Variants in SNX13 observed in about 807,000 individuals in gnomAD.
SNX13 encodes the protein sorting nexin-13.
SNX13 carries 45 observed loss-of-function variants against 133.6 expected under a neutral mutation model. The observed-to-expected ratio is 0.34, with a 90% confidence interval of 0.27 to 0.43. The LOEUF is 0.43. SNX13 is among the 20% of genes least tolerant of loss of function. The pLI is 1.00. For missense variants in SNX13, 1,032 were observed against 1,145.1 expected (o/e 0.90, Z 1.43); for synonymous variants, 414 against 373.9 (o/e 1.11, Z -1.24).
intron 24 of SNX13, among the ~76,000 whole-genome samples, chr7:17,797,792 G>A (rs1221502397): frequency 6.6e-6 from 1 of 151,740 alleles, no homozygotes; most frequent in Non-Finnish European, 1.5e-5. Flanking sequence ...AACATGCCAG[G>A]GCAGCTAGTC....
At chr7:17,937,659 G>C (rs555759547) in intron 1 of SNX13, among the ~76,000 whole-genome samples, 17 of 151,920 alleles carry the variant, frequency 1.1e-4, no homozygotes, top group Admixed American at 1.0e-3. Context: ...ATAGTATGCT[G>C]ATTTTATCAG....
In SNX13 at chr7:17,893,346, G is replaced by C; in HGVS notation, c.214C>G (p.Pro72Ala). The change falls in exon 3 of 26, where the codon CCT (proline) becomes GCT (alanine). Residue 72 changes from proline (P) to alanine (A), a missense_variant. By Grantham distance (27) the Pro-to-Ala change is conservative. Transcript: ENST00000428135. ...CEHSFLPPTSPGVPKCLEEMK... is the reference protein window; with the variant it reads ...CEHSFLPPTSAGVPKCLEEMK... ...AAACGATTTACCTTAGGAACCCCAG[G>C]TGATGTTGGAGGAAGAAATGAGTGT... The C allele has an allele frequency of 3.8e-6, 6 of 1,572,834 alleles. No homozygotes were observed. Among genetic ancestry groups the C allele is most frequent in the Non-Finnish European group, 3.5e-6 (4 of 1,157,042 alleles).
At chr7:17,796,732 T>C (rs1784095523) in intron 25 of SNX13, 95 bp downstream of exon 25, 1 of 846,852 alleles carries the variant, frequency 1.2e-6, no homozygotes, top group Non-Finnish European at 2.0e-6. Flanking sequence ...AAGGTAGTTG[T>C]TATAATCAAA....
chr7:17,820,894 A>G (rs1448604869), intron 18 of SNX13, among the ~76,000 whole-genome samples: 1 of 152,130 alleles, frequency 6.6e-6, no homozygotes, highest in Non-Finnish European at 1.5e-5. Flanking sequence ...AGTTGAGAAA[A>G]TATTTAATTT....
chr7:17,880,308 C>A (rs369084691), intron 5 of SNX13: 1 of 152,216 alleles, frequency 6.6e-6, no homozygotes, highest in Non-Finnish European at 1.5e-5. Context: ...ACTCTTCAAC[C>A]AGCTGCGAGT....
intron 1 of SNX13, among the ~76,000 whole-genome samples, chr7:17,914,345 G>T (rs1799317999): frequency 6.6e-6 from 1 of 152,124 alleles, no homozygotes; most frequent in African/African-American, 2.4e-5. Context: ...TCACCAATCT[G>T]TCTATAGAGA....
chr7:17,794,424 C>G, intron 25 of SNX13, 132 bp from the exon 26 acceptor site: 1 of 1,111,614 alleles, frequency 9.0e-7, no homozygotes, highest in East Asian at 2.6e-5. Context: ...TGCATTTCAG[C>G]TATGTACTAT....
intron 8 of SNX13, among the ~76,000 whole-genome samples, chr7:17,871,075 A>T (rs10252726): frequency 6.7e-6 from 1 of 150,132 alleles, no homozygotes; most frequent in Non-Finnish European, 1.5e-5. Flanking sequence ...GCGCGATCTC[A>T]GCTCACTGCA....
chr7:17,852,256 C>T (rs1370664657), intron 9 of SNX13, among the ~76,000 whole-genome samples: 1 of 152,142 alleles, frequency 6.6e-6, no homozygotes. Flanking sequence ...TGCCTGTAAT[C>T]CCAGCTACTA....
intron 1 of SNX13, among the ~76,000 whole-genome samples, chr7:17,902,747 C>G (rs1426084021): frequency 6.6e-6 from 1 of 151,994 alleles, no homozygotes; most frequent in Non-Finnish European, 1.5e-5. Context: ...TACAGGAGTC[C>G]CCAACCCCCA....
At chr7:17,892,215 T>C (rs996881346) in intron 3 of SNX13, among the ~76,000 whole-genome samples, 2 of 152,100 alleles carry the variant, frequency 1.3e-5, no homozygotes, top group African/African-American at 2.4e-5. Flanking sequence ...ATATCTATAT[T>C]AAAAATACAT....
chr7:17,853,387 T>C (rs914893086), intron 9 of SNX13, among the ~76,000 whole-genome samples: 3 of 152,166 alleles, frequency 2.0e-5, no homozygotes, highest in Non-Finnish European at 2.9e-5. Context: ...TCGGATGTTA[T>C]CTATTTTAAA....
Position 17,792,054 on chromosome 7 carries a change from C to T in SNX13, c.*1991G>A, listed in dbSNP as rs2128279787. On this transcript the variant is annotated 3_prime_UTR_variant, in exon 26 of 26. Coordinates refer to ENST00000428135, the MANE Select transcript of SNX13 (RefSeq NM_015132.5). The stretch of plus-strand genomic sequence containing the variant: ...ATTTCCCTAATTGATGGCCAGTGCT[C>T]CTCACATTATATAGAAATGCTTTTT... The T allele has an allele frequency of 6.6e-6, 1 of 152,124 alleles. No homozygotes were observed. Among genetic ancestry groups the T allele is most frequent in the Non-Finnish European group, 1.5e-5 (1 of 67,948 alleles). The allele number at this position is 152,124 out of a possible 1,614,324, so 9.4% of individuals were successfully genotyped here.
chr7:17,916,136 C>T (rs188763450), intron 1 of SNX13, among the ~76,000 whole-genome samples: 267 of 152,144 alleles, frequency 1.8e-3, no homozygotes, highest in African/African-American at 6.1e-3. Flanking sequence ...CTCTGGGTTG[C>T]GACAAACACA....
chr7:17,843,886 G>T (rs972957768), intron 12 of SNX13, among the ~76,000 whole-genome samples: 13 of 151,838 alleles, frequency 8.6e-5, no homozygotes, highest in African/African-American at 3.1e-4. Flanking sequence ...AATCACAAGA[G>T]AAATTAGAAA....
chr7:17,812,915 C>A lies in SNX13; in HGVS notation c.2064+1919G>T, dbSNP rs147085640. 1.4e-4 allele frequency among the ~76,000 whole-genome samples: 21 copies of A among 151,008 alleles called. No individual in the cohort carries two copies. In the East Asian group the frequency reaches 1.8e-3, roughly 13 times the overall value. On this transcript the variant is annotated intron_variant, in intron 20 of 25. Coordinates refer to ENST00000428135, the MANE Select transcript of SNX13 (RefSeq NM_015132.5). The stretch of plus-strand genomic sequence containing the variant: ...TAAGAACAGAAAACCAAACACCACA[C>A]GTTCTCACACATGGACACAGGGAGG...
chr7:17,810,044 A>G (rs1785820682), intron 20 of SNX13, among the ~76,000 whole-genome samples: 1 of 152,184 alleles, frequency 6.6e-6, no homozygotes, highest in Non-Finnish European at 1.5e-5. Context: ...ACACCCTAAC[A>G]TCGCAATTAA....
chr7:17,806,590 T>C (rs1013646383), intron 20 of SNX13, among the ~76,000 whole-genome samples: 29 of 152,240 alleles, frequency 1.9e-4, no homozygotes, highest in African/African-American at 6.7e-4. Flanking sequence ...ATGTGTGTTA[T>C]TGTGGATTGC....
intron 3 of SNX13, among the ~76,000 whole-genome samples, chr7:17,892,644 T>C (rs1481534220): frequency 6.6e-6 from 1 of 152,086 alleles, no homozygotes; most frequent in Non-Finnish European, 1.5e-5. Flanking sequence ...TGTAAAATAA[T>C]ATTGGACATT....
Sources: allele counts gnomAD v4.1 joint callset (sites outside exome capture counted in the v4.1 genomes callset), GRCh38; gene constraint gnomAD v4.1.1; transcripts MANE v1.5; gene names NCBI Gene and HGNC (gene_info 2026-07-23, HGNC 2026-07-21).